VPS41: variants seen among roughly 807,000 people sequenced by gnomAD.
VPS41 encodes vacuolar protein sorting-associated protein 41 homolog.
Under a neutral mutation model 130.9 loss-of-function variants are expected in VPS41, and 85 were observed. The ratio of observed to expected loss-of-function variants is 0.65; its 90% CI spans 0.55 to 0.78. The LOEUF (loss-of-function observed/expected upper bound fraction) is 0.78. Among genes scored for constraint, VPS41 ranks in the 30% least tolerant of loss-of-function variants. The pLI, the probability that VPS41 is intolerant of heterozygous loss-of-function variation, is 0.00. For missense variants in VPS41, 874 were observed against 1,018.7 expected, an observed-to-expected ratio of 0.86 and a Z score of 1.93; for synonymous variants, 335 against 332.9, an observed-to-expected ratio of 1.01 and a Z score of -0.07.
chr7:38,766,297 T>C (rs1784041832), intron 15 of VPS41, among the ~76,000 whole-genome samples: 1 of 152,174 alleles, frequency 6.6e-6, no homozygotes, highest in African/African-American at 2.4e-5. Context: ...TGCACACCAC[T>C]ACATAACATT....
Position 38,789,717 on chromosome 7 carries a change from C to CT in VPS41, c.784+83dup, listed in dbSNP as rs911117641. ...CTGCTGCAGGGATCCAGGCAAAAGA[C>CT]TATGGCAGTCTGGGTGAGATTAATG... On this transcript the variant is annotated intron_variant, in intron 10 of 28. Transcript: ENST00000310301. 8 of 1,385,266 alleles carry CT rather than the reference C, an allele frequency of 5.8e-6. No homozygotes were observed. The East Asian group carries it at 9.2e-5, about 16-fold the overall frequency. The allele number at this position is 1,385,266 out of a possible 1,614,324, so 85.8% of individuals were successfully genotyped here. A position where few individuals can be genotyped will look rare whatever the true frequency, so the allele number is the denominator to read the frequency against.
chr7:38,807,961 G>C (rs1016088980), intron 7 of VPS41, among the ~76,000 whole-genome samples: 1 of 152,170 alleles, frequency 6.6e-6, no homozygotes, highest in Non-Finnish European at 1.5e-5. Context: ...TGGTTATAAG[G>C]AAGAGAGATG....
At chr7:38,748,214 C>T (rs1029401111) in intron 22 of VPS41, among the ~76,000 whole-genome samples, 33 of 152,164 alleles carry the variant, frequency 2.2e-4, no homozygotes, top group African/African-American at 5.8e-4. Context: ...ACAACACATG[C>T]GCGCGCGTGC....
intron 9 of VPS41, among the ~76,000 whole-genome samples, chr7:38,793,100 C>A (rs1784562636): frequency 6.6e-6 from 1 of 152,208 alleles, no homozygotes. Flanking sequence ...TTCCTATTAT[C>A]CTGTTAAAAT....
chr7:38,786,554 AT>A (rs2008528449), intron 10 of VPS41, among the ~76,000 whole-genome samples: 1 of 152,242 alleles, frequency 6.6e-6, no homozygotes, highest in Non-Finnish European at 1.5e-5. Context: ...CAGATACGTA[AT>A]AAAGCAAATA....
At chr7:38,851,701 G>A (rs1437006989) in intron 4 of VPS41, among the ~76,000 whole-genome samples, 1 of 152,126 alleles carries the variant, frequency 6.6e-6, no homozygotes, top group Non-Finnish European at 1.5e-5. Flanking sequence ...TGTATGATAG[G>A]TGTATGTTTC....
intron 2 of VPS41, among the ~76,000 whole-genome samples, chr7:38,890,555 G>A (rs972785743): frequency 6.6e-6 from 1 of 152,138 alleles, no homozygotes; most frequent in African/African-American, 2.4e-5. Flanking sequence ...ATGTAATACG[G>A]GTGAAATCCA....
chr7:38,752,383 T>G (rs556490151), intron 21 of VPS41, 70 bp from the exon 22 acceptor site: 19 of 1,589,434 alleles, frequency 1.2e-5, no homozygotes, highest in African/African-American at 4.0e-5. Context: ...ACATTGCTAT[T>G]TTTAGCTCTA....
chr7:38,734,055 C>A (rs528554111), intron 25 of VPS41, among the ~76,000 whole-genome samples: 9 of 152,242 alleles, frequency 5.9e-5, no homozygotes, highest in Admixed American at 2.0e-4. Flanking sequence ...CACTGCCATG[C>A]TCCAGCCTGG....
intron 4 of VPS41, among the ~76,000 whole-genome samples, chr7:38,859,900 T>G (rs933152436): frequency 6.6e-6 from 1 of 152,238 alleles, no homozygotes; most frequent in Non-Finnish European, 1.5e-5. Context: ...TGAGTTAACA[T>G]AAAGCTATAT....
At chr7:38,796,433 T>C (rs1784621916) in intron 8 of VPS41, 1 of 489,732 alleles carries the variant, frequency 2.0e-6, no homozygotes, top group Non-Finnish European at 4.0e-6. Flanking sequence ...AACAGGCAAA[T>C]GATATTTTCA....
chr7:38,834,103 AT>A (rs1785442408), intron 4 of VPS41, among the ~76,000 whole-genome samples: 1 of 90,838 alleles, frequency 1.1e-5, no homozygotes, highest in African/African-American at 5.8e-5. Context: ...CATTCATGGT[AT>A]TTAAAAAAAA....
At chr7:38,799,388 C>G (rs1220785337) in intron 7 of VPS41, among the ~76,000 whole-genome samples, 1 of 152,016 alleles carries the variant, frequency 6.6e-6, no homozygotes, top group Non-Finnish European at 1.5e-5. Flanking sequence ...AAGAGGAATT[C>G]ATATGGTAAC....
intron 11 of VPS41, chr7:38,775,135 A>G (rs994226122): frequency 2.0e-5 from 3 of 152,292 alleles, no homozygotes; most frequent in South Asian, 4.1e-4. Context: ...ATTGTATTCA[A>G]TGTCGCTAAA....
rs528750162 is a variant in VPS41, at chr7:38,882,578, C to T, written c.61-13325G>A. Among the ~76,000 whole-genome samples, 209 of 152,280 alleles carry T rather than the reference C, an allele frequency of 1.4e-3. 1 individual carries two copies. The Middle Eastern group carries it at 0.017, about 12-fold the overall frequency. ...TTCCACTTGGATGTCTAATTGACATCTCCAACTTAAAATATGCAAAGTAGA... is the reference window on the plus strand; with the variant it reads ...TTCCACTTGGATGTCTAATTGACATTTCCAACTTAAAATATGCAAAGTAGA... On this transcript the variant is annotated intron_variant, in intron 2 of 28. Coordinates refer to ENST00000310301, the MANE Select transcript of VPS41 (RefSeq NM_014396.4).
chr7:38,735,859 G>A (rs1461383599), intron 25 of VPS41, among the ~76,000 whole-genome samples: 2 of 152,176 alleles, frequency 1.3e-5, no homozygotes, highest in Non-Finnish European at 2.9e-5. Context: ...TCTGAGAAGG[G>A]CTGTCCTGCT....
intron 2 of VPS41, among the ~76,000 whole-genome samples, chr7:38,870,739 C>CAAAAAAAAAAAAAAAAAAAAAAAAGA (rs1786335433): frequency 1.0e-4 from 3 of 29,734 alleles, no homozygotes; most frequent in Non-Finnish European, 1.4e-4. Context: ...ACTATATGTT[C>CAAAAAAAAAAAAAAAAAAAAAAAAGA]AAAAAAAAAA....
chr7:38,753,949 G>T (rs3779126), intron 21 of VPS41, among the ~76,000 whole-genome samples: 51,395 of 151,948 alleles, frequency 0.34, 9,397 homozygotes, highest in Admixed American at 0.55. Flanking sequence ...AGATACAAGT[G>T]CACTTATTGT....
intron 1 of VPS41, among the ~76,000 whole-genome samples, chr7:38,901,695 G>A (rs1584455011): frequency 6.6e-6 from 1 of 152,120 alleles, no homozygotes; most frequent in African/African-American, 2.4e-5. Context: ...AGTGGTGATG[G>A]TTGCACAACA....
Sources: allele counts gnomAD v4.1 joint callset (sites outside exome capture counted in the v4.1 genomes callset), GRCh38; gene constraint gnomAD v4.1.1; transcripts MANE v1.5; gene names NCBI Gene and HGNC (gene_info 2026-07-23, HGNC 2026-07-21).